DCAF10: variants seen among roughly 807,000 people sequenced by gnomAD.
The protein encoded by DCAF10 is DDB1- and CUL4-associated factor 10.
DCAF10 carries 19 observed loss-of-function variants against 51.9 expected under a neutral mutation model. That is an observed-to-expected ratio of 0.37 (90% CI 0.26 to 0.54). The LOEUF (loss-of-function observed/expected upper bound fraction) is 0.54, where lower values mean the gene tolerates loss of function less well. DCAF10 is among the 20% of genes least tolerant of loss of function. The pLI is 0.87. For missense variants in DCAF10, 510 were observed against 730.6 expected, an observed-to-expected ratio of 0.70 and a Z score of 3.48; for synonymous variants, 291 against 297.1, an observed-to-expected ratio of 0.98 and a Z score of 0.21.
In DCAF10 at chr9:37,864,545, CTG is replaced by C. The variant is rs1831095081; in HGVS notation, c.*3039_*3040del. On this transcript the variant is annotated 3_prime_UTR_variant, in exon 7 of 7. Coordinates refer to ENST00000377724, the MANE Select transcript of DCAF10 (RefSeq NM_024345.5). ...GTTGCAGTGAGCCGAGATCGCACCA[CTG>C]TACTCTAGCCTGACCAGCAGAGCGA... 6.7e-6 allele frequency: 1 copy of C among 149,622 alleles called. No individual in the cohort carries two copies. The highest frequency in any genetic ancestry group is 1.5e-5 in the Non-Finnish European group (1 of 67,816). The allele number at this position is 149,622 out of a possible 1,614,324, so 9.3% of individuals were successfully genotyped here.
chr9:37,853,228 T>G (rs935282878), intron 3 of DCAF10, among the ~76,000 whole-genome samples: 1 of 146,072 alleles, frequency 6.8e-6, no homozygotes, highest in African/African-American at 2.6e-5. Context: ...CTTTAAAAAA[T>G]TCTGGCCGGG....
intron 2 of DCAF10, among the ~76,000 whole-genome samples, chr9:37,840,314 C>A (rs1009556191): frequency 1.3e-5 from 2 of 152,060 alleles, no homozygotes; most frequent in South Asian, 2.1e-4. Flanking sequence ...AGGAGGTATT[C>A]CAGGAGAAGC....
chr9:37,819,574 T>C (rs113976290), intron 2 of DCAF10, among the ~76,000 whole-genome samples, 173 bp downstream of exon 2: 4 of 152,346 alleles, frequency 2.6e-5, no homozygotes, highest in Non-Finnish European at 2.9e-5. Flanking sequence ...CAAAACTTAC[T>C]CTTAGCTATG....
Position 37,800,898 on chromosome 9 carries a change from G to C in DCAF10, c.32G>C (p.Gly11Ala). 6.7e-7 allele frequency: 1 copy of C among 1,497,204 alleles called. No individual in the cohort carries two copies. The highest frequency in any genetic ancestry group is 8.8e-7 in the Non-Finnish European group (1 of 1,130,602). The allele number at this position is 1,497,204 out of a possible 1,614,324, so 92.7% of individuals were successfully genotyped here. ...CCCTTTGGGCCCCATAGCCCTGGAG[G>C]GGACGGATCGGCCGGAGCCGGGGCT... is the stretch of plus-strand genomic sequence containing the variant. Reference protein sequence around the residue: MFPFGPHSPGGDGSAGAGAEE... With the variant: MFPFGPHSPGADGSAGAGAEE... The change falls in exon 1 of 7, where the codon GGG becomes GCG. Residue 11 changes from glycine to alanine, a missense_variant. By Grantham distance (60) the Gly-to-Ala change is moderately conservative (BLOSUM62 0). Transcript: ENST00000377724.
chr9:37,824,776 A>G (rs1027366463), intron 2 of DCAF10, among the ~76,000 whole-genome samples: 7 of 152,134 alleles, frequency 4.6e-5, no homozygotes, highest in African/African-American at 1.7e-4. Flanking sequence ...GGGAAAAGAA[A>G]ACTGATAGAA....
intron 2 of DCAF10, among the ~76,000 whole-genome samples, chr9:37,824,022 A>C (rs1829782718): frequency 6.6e-6 from 1 of 151,954 alleles, no homozygotes; most frequent in Non-Finnish European, 1.5e-5. Flanking sequence ...CTGGGATTAC[A>C]GGCATGTGCC....
intron 1 of DCAF10, among the ~76,000 whole-genome samples, chr9:37,812,804 T>G (rs1829392487): frequency 6.6e-6 from 1 of 152,146 alleles, no homozygotes; most frequent in East Asian, 1.9e-4. Flanking sequence ...TGGCTAATTT[T>G]TTTATTTTTT....
chr9:37,818,129 A>G (rs1378328412), intron 1 of DCAF10, among the ~76,000 whole-genome samples: 1 of 152,022 alleles, frequency 6.6e-6, no homozygotes, highest in Non-Finnish European at 1.5e-5. Context: ...AGTAGCTGGG[A>G]CTACAGGCCC....
chr9:37,847,486 A>C (rs1172076610), intron 3 of DCAF10, among the ~76,000 whole-genome samples: 1 of 152,196 alleles, frequency 6.6e-6, no homozygotes, highest in Non-Finnish European at 1.5e-5. Context: ...ATCAAGACAG[A>C]AAAGCACTTG....
intron 1 of DCAF10, among the ~76,000 whole-genome samples, chr9:37,810,152 T>TAA (rs747571357): frequency 2.1e-5 from 3 of 141,300 alleles, no homozygotes; most frequent in Admixed American, 7.0e-5. Flanking sequence ...AACTCCATCT[T>TAA]AAAAAAAAAA....
At chr9:37,811,213 T>C (rs539790370) in intron 1 of DCAF10, among the ~76,000 whole-genome samples, 203 of 152,196 alleles carry the variant, frequency 1.3e-3, no homozygotes, top group Non-Finnish European at 2.3e-3. Flanking sequence ...GCGCCTGCCA[T>C]ACTAGCTACT....
In DCAF10 at chr9:37,861,521, T is replaced by C; in HGVS notation, c.*13T>C. On this transcript the variant is annotated 3_prime_UTR_variant, in exon 7 of 7. Coordinates refer to ENST00000377724, the MANE Select transcript of DCAF10 (RefSeq NM_024345.5). This position sits in a 1 kb window ranked among gnomAD's most constrained non-coding sequence, Gnocchi z 4.9. ...GCCAAAGTTTTAGGCACAACTTACA[T>C]CAAATAAGGAACTCTTCTGGTGTTT... The C allele has an allele frequency of 6.3e-7, 1 of 1,596,858 alleles. No individual in the cohort carries two copies. The highest frequency in any genetic ancestry group is 1.1e-5 in the South Asian group (1 of 90,150).
intron 2 of DCAF10, among the ~76,000 whole-genome samples, chr9:37,840,085 A>G (rs1329206758): frequency 1.3e-5 from 2 of 152,200 alleles, no homozygotes; most frequent in East Asian, 1.9e-4. Flanking sequence ...TAAACAAGGA[A>G]GGCTTCCTGG....
chr9:37,820,928 T>C lies in DCAF10; in HGVS notation c.653+1527T>C, dbSNP rs186162075. On this transcript the variant is annotated intron_variant, in intron 2 of 6. Transcript: ENST00000377724. ...TTATGTATTTATTTTTGACTAGTAA[T>C]AGATGCATGTAGTACAAAATTCAAA... Among the ~76,000 whole-genome samples, 966 of 152,222 alleles carry C rather than the reference T, an allele frequency of 6.3e-3. 8 individuals carry two copies. The highest frequency in any genetic ancestry group is 9.5e-3 in the Non-Finnish European group (646 of 68,008).
chr9:37,846,028 T>C (rs996038883), intron 3 of DCAF10, among the ~76,000 whole-genome samples: 3 of 152,108 alleles, frequency 2.0e-5, no homozygotes, highest in African/African-American at 7.2e-5. Context: ...AAAATTAGTA[T>C]GACCTTGATA....
chr9:37,862,175 G>GA lies in DCAF10; in HGVS notation c.*674dup, dbSNP rs1052570744. On this transcript the variant is annotated 3_prime_UTR_variant, in exon 7 of 7. Coordinates refer to ENST00000377724, the MANE Select transcript of DCAF10 (RefSeq NM_024345.5). ...AGAGGGATTTTATTGTGAAATTCTA[G>GA]AAAAAAATATTACCACCTCTCTTTG... 1 of 152,348 alleles carries GA rather than the reference G, an allele frequency of 6.6e-6. No individual in the cohort carries two copies. The highest frequency in any genetic ancestry group is 6.6e-5 in the Admixed American group (1 of 15,252). 9.4% of individuals were successfully genotyped at this position (152,348 alleles called of 1,614,324 possible).
chr9:37,834,834 G>A (rs1162387486), intron 2 of DCAF10, among the ~76,000 whole-genome samples: 3 of 147,178 alleles, frequency 2.0e-5, no homozygotes, highest in Admixed American at 6.9e-5. Context: ...TGTCGCCCAG[G>A]CTGGAGTGCA....
rs866956931 is a variant in DCAF10 at position 37,801,090 on chromosome 9, G to A, written c.224G>A (p.Gly75Glu). The A allele has an allele frequency of 6.5e-7, 1 of 1,534,080 alleles. No individual in the cohort carries two copies. The highest frequency in any genetic ancestry group is 1.4e-5 in the African/African-American group (1 of 70,860). The change falls in exon 1 of 7, where the codon GGA becomes GAA. Residue 75 changes from glycine (G) to glutamate (E), a missense_variant. Gly to Glu is a moderately conservative substitution (Grantham distance 98, BLOSUM62 -2). Coordinates refer to ENST00000377724, the MANE Select transcript of DCAF10 (RefSeq NM_024345.5). This position sits in a 1 kb window ranked among gnomAD's most constrained non-coding sequence, Gnocchi z 5.5. ...APRSGELGLP[G>E]APESSTASAP... ...CGCTCCGGAGAGCTAGGGCTGCCTG[G>A]AGCTCCGGAGTCCTCAACTGCCTCC...
chr9:37,822,626 C>T (rs1254779989), intron 2 of DCAF10, among the ~76,000 whole-genome samples: 1 of 151,866 alleles, frequency 6.6e-6, no homozygotes, highest in East Asian at 1.9e-4. Context: ...ATACAATAGA[C>T]TTTGGGGACT....
Sources: gnomAD v4.1 joint callset for allele counts (sites outside exome capture counted in the v4.1 genomes callset) on GRCh38, gnomAD v4.1.1 for gene constraint, Gnocchi (gnomAD v3.1) non-coding constraint, MANE v1.5 for transcripts, NCBI Gene and HGNC (gene_info 2026-07-23, HGNC 2026-07-21) for gene names.